EXTL3: variants seen among roughly 807,000 people sequenced by gnomAD.
EXTL3 encodes exostosin like glycosyltransferase 3.
EXTL3 carries 27 observed loss-of-function variants against 69.3 expected under a neutral mutation model. That is an observed-to-expected ratio of 0.39 (90% confidence interval 0.29 to 0.54). The LOEUF (loss-of-function observed/expected upper bound fraction) is 0.54, where lower values mean the gene tolerates loss of function less well. EXTL3 is among the 20% of genes least tolerant of loss of function. EXTL3 has a pLI of 0.69. For missense variants in EXTL3, 1,003 were observed against 1,231.8 expected, an observed-to-expected ratio of 0.81 and a Z score of 2.78; for synonymous variants, 511 against 499.4, an observed-to-expected ratio of 1.02 and a Z score of -0.31.
In EXTL3 at chr8:28,731,285, A is replaced by T. The variant is rs1801533034; in HGVS notation, c.2211A>T (p.Thr737=). The change falls in exon 4 of 7, where the codon ACA becomes ACT. Residue 737 remains threonine, a synonymous_variant. Coordinates refer to ENST00000220562, the MANE Select transcript of EXTL3 (RefSeq NM_001440.4). ...NRFLPWNEIE[T]EAILSIDDDA... Reference sequence around the variant, plus strand: ...TCTTACCCTGGAATGAAATTGAGACAGAGGCCATCCTGTCCATTGATGACG... The same window carrying T: ...TCTTACCCTGGAATGAAATTGAGACTGAGGCCATCCTGTCCATTGATGACG... 6.2e-7 allele frequency: 1 copy of T among 1,614,218 alleles called. No homozygotes were observed. The highest frequency in any genetic ancestry group is 8.5e-7 in the Non-Finnish European group (1 of 1,180,014).
chr8:28,618,386 A>G (rs538776605), upstream of EXTL3, among the ~76,000 whole-genome samples: 3 of 152,312 alleles, frequency 2.0e-5, no homozygotes, highest in South Asian at 6.2e-4. Flanking sequence ...GACTGAGGGA[A>G]CTATGGAAAA....
At chr8:28,702,423 G>GT (rs1800828695) in intron 1 of EXTL3, among the ~76,000 whole-genome samples, 1 of 152,226 alleles carries the variant, frequency 6.6e-6, no homozygotes, top group East Asian at 1.9e-4. Flanking sequence ...GAGCCCCTCG[G>GT]AGGCGAGCCA....
intron 1 of EXTL3, among the ~76,000 whole-genome samples, chr8:28,634,925 C>G (rs147178168): frequency 2.0e-5 from 3 of 152,082 alleles, no homozygotes; most frequent in Non-Finnish European, 4.4e-5. Context: ...ACTCTACCTC[C>G]TATCCTACCA....
intron 6 of EXTL3, chr8:28,743,883 C>G (rs1164391625): frequency 6.4e-6 from 1 of 155,746 alleles, no homozygotes; most frequent in Non-Finnish European, 1.4e-5. Context: ...ATGTAAAGCT[C>G]TAAGAATAGT....
At chr8:28,659,644 C>T (rs112899357) in intron 1 of EXTL3, among the ~76,000 whole-genome samples, 3 of 152,140 alleles carry the variant, frequency 2.0e-5, no homozygotes, top group African/African-American at 7.2e-5. Context: ...ACCCCAGGGT[C>T]GCCCCAACAT....
intron 1 of EXTL3, among the ~76,000 whole-genome samples, chr8:28,688,557 G>A (rs553321940): frequency 6.6e-6 from 1 of 152,222 alleles, no homozygotes; most frequent in Non-Finnish European, 1.5e-5. Context: ...AGAGTATAGA[G>A]AGGTTATGTA....
In EXTL3 at chr8:28,623,005, G is replaced by C. The variant is rs1301460833; in HGVS notation, c.-53+195G>C. ...CCTGCCCGCGGGCCGGACGTGGGGC[G>C]CCTGCTCTGGGCGTCTGGGGCGGGC... On this transcript the variant is annotated intron_variant, in intron 1 of 6. Coordinates refer to the EXTL3 transcript ENST00000523149. This position sits in a 1 kb window ranked among gnomAD's most constrained non-coding sequence, Gnocchi z 4.2. Among the ~76,000 whole-genome samples, 3 of 152,076 alleles carry C rather than the reference G, an allele frequency of 2.0e-5. No individual in the cohort carries two copies. The highest frequency in any genetic ancestry group is 2.0e-4 in the Admixed American group (3 of 15,272).
At chr8:28,742,721 T>C (rs1801805599) in intron 5 of EXTL3, 1 of 327,528 alleles carries the variant, frequency 3.1e-6, no homozygotes, top group Non-Finnish European at 5.9e-6. Flanking sequence ...GGCTTTTTTC[T>C]CTCACTTATC....
intron 1 of EXTL3, among the ~76,000 whole-genome samples, chr8:28,709,394 G>A (rs535904602): frequency 9.2e-5 from 14 of 152,098 alleles, no homozygotes; most frequent in African/African-American, 1.4e-4. Flanking sequence ...TCTGGAAAGC[G>A]TCTAGCCTCT....
chr8:28,617,134 G>A (rs533087112), intron 2 of EXTL3, among the ~76,000 whole-genome samples: 2 of 152,258 alleles, frequency 1.3e-5, no homozygotes, highest in Admixed American at 6.5e-5. Context: ...AGGAGTGTCT[G>A]CAAGATTGCC....
intron 4 of EXTL3, among the ~76,000 whole-genome samples, chr8:28,736,463 A>G (rs549620662): frequency 2.6e-5 from 4 of 152,146 alleles, no homozygotes; most frequent in Non-Finnish European, 5.9e-5. Context: ...GACCAATTTT[A>G]TTTGTTCTAA....
chr8:28,743,345 C>G (rs1365226050), intron 6 of EXTL3, 131 bp downstream of exon 6: 1 of 1,055,342 alleles, frequency 9.5e-7, no homozygotes, highest in Non-Finnish European at 1.5e-6. Flanking sequence ...CTACCTACCT[C>G]ATCAAAGGAT....
At chr8:28,645,229 G>C (rs1806809436) in intron 1 of EXTL3, among the ~76,000 whole-genome samples, 1 of 152,190 alleles carries the variant, frequency 6.6e-6, no homozygotes, top group Admixed American at 6.5e-5. Flanking sequence ...ACAGATGTTT[G>C]TGCTTTAATT....
intron 5 of EXTL3, among the ~76,000 whole-genome samples, chr8:28,739,397 G>A (rs1801728383): frequency 6.6e-6 from 1 of 152,114 alleles, no homozygotes; most frequent in Non-Finnish European, 1.5e-5. Flanking sequence ...TGGGGTCTCA[G>A]CTCATTTTAG....
chr8:28,689,560 G>C (rs1268367697), intron 1 of EXTL3, among the ~76,000 whole-genome samples: 1 of 152,124 alleles, frequency 6.6e-6, no homozygotes, highest in African/African-American at 2.4e-5. Flanking sequence ...CCATCCCTAA[G>C]AACTCTAGCA....
intron 2 of EXTL3, among the ~76,000 whole-genome samples, chr8:28,715,313 T>C (rs1275089096): frequency 6.6e-6 from 1 of 152,208 alleles, no homozygotes; most frequent in African/African-American, 2.4e-5. Context: ...GTTACAGGGC[T>C]ATAATGCCGC....
intron 2 of EXTL3, among the ~76,000 whole-genome samples, chr8:28,617,008 C>A (rs2130536574): frequency 6.6e-6 from 1 of 152,338 alleles, no homozygotes; most frequent in Admixed American, 6.5e-5. Context: ...CCTACTAATA[C>A]CCAACTCCAG....
At chr8:28,733,638 C>G (rs1252969117) in intron 4 of EXTL3, among the ~76,000 whole-genome samples, 1 of 150,876 alleles carries the variant, frequency 6.6e-6, no homozygotes, top group Non-Finnish European at 1.5e-5. Flanking sequence ...CTCGAGCAAG[C>G]CTCCCAAGTG....
At position 28,717,834 on chromosome 8, in the gene EXTL3, A is replaced by G. The variant is rs1801198501; in HGVS notation, c.1775A>G (p.Asn592Ser). 4.3e-6 allele frequency: 7 copies of G among 1,611,796 alleles called. No homozygotes were observed. Among genetic ancestry groups the G allele is most frequent in the Non-Finnish European group, 5.9e-6 (7 of 1,178,148 alleles). Residue 592 changes from asparagine to serine, a missense_variant, in exon 3 of 7, where the codon AAT becomes AGT. Asn to Ser is a conservative substitution (Grantham distance 46). This residue lies in a region of EXTL3 where 742 missense variants were observed against 815.4 expected (regional missense o/e 0.91). Coordinates refer to ENST00000220562, the MANE Select transcript of EXTL3 (RefSeq NM_001440.4). This position sits in a 1 kb window ranked among gnomAD's most constrained non-coding sequence, Gnocchi z 8.3. ...TACGCCTCACCCAGATACCTCCGCA[A>G]TTTCACTCTGACTGTCACTGACTTT... The part of the protein sequence containing the change: ...PPYASPRYLR[N>S]FTLTVTDFYR...
Sources: gnomAD v4.1 joint callset for allele counts (sites outside exome capture counted in the v4.1 genomes callset) on GRCh38, gnomAD v4.1.1 for gene constraint, gnomAD v4.1.1 regional missense constraint, Gnocchi (gnomAD v3.1) non-coding constraint, MANE v1.5 for transcripts, NCBI Gene and HGNC (gene_info 2026-07-23, HGNC 2026-07-21) for gene names.